Variants in TBCD observed in about 807,000 individuals in gnomAD.
TBCD encodes the protein tubulin-specific chaperone D.
TBCD carries 105 observed loss-of-function variants against 169.3 expected under a neutral mutation model. That is an observed-to-expected ratio of 0.62 (90% CI 0.53 to 0.73). The LOEUF is 0.73. Ranked by LOEUF, TBCD falls within the 30% of genes least tolerant of loss-of-function variation. TBCD has a pLI of 0.00. For missense variants in TBCD, 1,444 were observed against 1,600.1 expected (o/e 0.90, Z 1.66); for synonymous variants, 700 against 643.9 (o/e 1.09, Z -1.32).
intron 13 of TBCD, among the ~76,000 whole-genome samples, chr17:82,867,835 A>C (rs893328573): frequency 4.6e-5 from 7 of 152,208 alleles, no homozygotes; most frequent in African/African-American, 1.4e-4. Context: ...TCTGGTTTGC[A>C]GATTGATGGC....
intron 7 of TBCD, among the ~76,000 whole-genome samples, chr17:82,783,047 C>T (rs575511810): frequency 2.0e-5 from 3 of 151,446 alleles, no homozygotes; most frequent in African/African-American, 7.3e-5. Flanking sequence ...CGGTTTTGTC[C>T]TGGCCGTGGC....
intron 7 of TBCD, chr17:82,795,757 G>T (rs1054230435): frequency 1.4e-5 from 4 of 288,656 alleles, no homozygotes; most frequent in Non-Finnish European, 2.1e-5. Context: ...TTGATGCCTG[G>T]GCCTCTGCCG....
intron 14 of TBCD, among the ~76,000 whole-genome samples, chr17:82,873,791 C>T (rs1239317595): frequency 6.6e-6 from 1 of 152,158 alleles, no homozygotes; most frequent in Non-Finnish European, 1.5e-5. Flanking sequence ...TGGAGGTTGG[C>T]GCCGCTCGGT....
chr17:82,894,562 C>T (rs560210651), intron 17 of TBCD, among the ~76,000 whole-genome samples: 1 of 152,330 alleles, frequency 6.6e-6, no homozygotes, highest in Admixed American at 6.5e-5. Context: ...AGCATTTGGC[C>T]TCTTTCCCAG....
intron 8 of TBCD, among the ~76,000 whole-genome samples, chr17:82,800,216 G>A (rs764155234): frequency 2.0e-5 from 3 of 152,094 alleles, no homozygotes; most frequent in Non-Finnish European, 4.4e-5. Flanking sequence ...TGTCTGTCCC[G>A]GGAATGCTGT....
chr17:82,849,632 A>G (rs1277455574), intron 13 of TBCD, among the ~76,000 whole-genome samples: 1 of 152,232 alleles, frequency 6.6e-6, no homozygotes, highest in Non-Finnish European at 1.5e-5. Context: ...AAGCACACGG[A>G]TAAACTGAGA....
At position 82,831,643 on chromosome 17, in the gene TBCD, G is replaced by T. The variant is rs778081819; in HGVS notation, c.1318+16709G>T. On this transcript the variant is annotated intron_variant, in intron 13 of 38. Coordinates refer to ENST00000355528, the MANE Select transcript of TBCD (RefSeq NM_005993.5). This position sits in a 1 kb window ranked among gnomAD's most constrained non-coding sequence, Gnocchi z 4.6. ...TTGGGTTCCGTAGACTGACAGCAGG[G>T]GTGCGTCACACTCAGGCGAGCTCCC... is the stretch of plus-strand genomic sequence containing the variant. 5.6e-6 allele frequency: 9 copies of T among 1,614,036 alleles called. No individual in the cohort carries two copies. Among genetic ancestry groups the T allele is most frequent in the African/African-American group, 1.3e-5 (1 of 74,898 alleles).
chr17:82,851,337 C>T (rs1467507001), intron 13 of TBCD, among the ~76,000 whole-genome samples: 5 of 152,172 alleles, frequency 3.3e-5, no homozygotes, highest in African/African-American at 4.8e-5. Context: ...TTTTGGGATG[C>T]AGCTAAGGAA....
chr17:82,862,481 C>T (rs957561680), intron 13 of TBCD, among the ~76,000 whole-genome samples: 11 of 151,860 alleles, frequency 7.2e-5, no homozygotes, highest in Non-Finnish European at 1.0e-4. Context: ...GGGTTCTTTC[C>T]TCCTTGCAGT....
At chr17:82,784,144 A>G (rs1414502252) in intron 7 of TBCD, among the ~76,000 whole-genome samples, 1 of 152,124 alleles carries the variant, frequency 6.6e-6, no homozygotes, top group Non-Finnish European at 1.5e-5. Context: ...CAGAAAAAAC[A>G]AACCCAACTT....
chr17:82,877,069 T>A, intron 14 of TBCD: 1 of 769,524 alleles, frequency 1.3e-6, no homozygotes, highest in Non-Finnish European at 1.6e-6. Context: ...TATAGTAATT[T>A]AAACAAATAA....
At chr17:82,760,550 T>G (rs569088147) in intron 2 of TBCD, among the ~76,000 whole-genome samples, 1 of 152,232 alleles carries the variant, frequency 6.6e-6, no homozygotes, top group Non-Finnish European at 1.5e-5. Context: ...TGATGTCTAG[T>G]GAAGATATGT....
In TBCD at chr17:82,840,369, T is replaced by G. The variant is rs191852873; in HGVS notation, c.1318+25435T>G. The G allele has an allele frequency of 4.3e-3, 648 of 152,380 alleles. 15 individuals are homozygous for G. Among genetic ancestry groups the G allele is most frequent in the East Asian group, 7.3e-3 (38 of 5,188 alleles). 9.4% of individuals were successfully genotyped at this position (152,380 alleles called of 1,614,324 possible). A position where few individuals can be genotyped will look rare whatever the true frequency, so the allele number is the denominator to read the frequency against. On this transcript the variant is annotated intron_variant, in intron 13 of 38. Coordinates refer to ENST00000355528, the MANE Select transcript of TBCD (RefSeq NM_005993.5). ...ATGATAAAGACATGTGAGACTTTCC[T>G]TTAGAACTTGAGCATGTGTACGCAG...
rs1388118921 is a variant in TBCD at position 82,944,772 on chromosome 17, G to C, written c.*2309G>C. The C allele has an allele frequency of 6.6e-6, 1 of 152,228 alleles. No homozygotes were observed. Among genetic ancestry groups the C allele is most frequent in the African/African-American group, 2.4e-5 (1 of 41,454 alleles). The allele number at this position is 152,228 out of a possible 1,614,324, so 9.4% of individuals were successfully genotyped here. A position where few individuals can be genotyped will look rare whatever the true frequency, so the allele number is the denominator to read the frequency against. Reference sequence around the variant, plus strand: ...TGAGAGCAGAGACCTTGGAGATCCTGAGGGTTTCTGCTGAGCCCTGGAATC... The same window carrying C: ...TGAGAGCAGAGACCTTGGAGATCCTCAGGGTTTCTGCTGAGCCCTGGAATC... On this transcript the variant is annotated 3_prime_UTR_variant, in exon 39 of 39. Coordinates refer to ENST00000355528, the MANE Select transcript of TBCD (RefSeq NM_005993.5).
chr17:82,782,929 T>C lies in TBCD; in HGVS notation c.771+1208T>C, dbSNP rs906899033. Among the ~76,000 whole-genome samples, 2 of 150,610 alleles carry C rather than the reference T, an allele frequency of 1.3e-5. No homozygotes were observed. Among genetic ancestry groups the C allele is most frequent in the Non-Finnish European group, 3.0e-5 (2 of 67,602 alleles). ...GTCTGCGGTGTCGTCTTCCTGTCCA[T>C]GGCGGCCTCCTGTCCGCGGTGCCCT... is the stretch of plus-strand genomic sequence containing the variant. On this transcript the variant is annotated intron_variant, in intron 7 of 38. Transcript: ENST00000355528. This position sits in a 1 kb window ranked among gnomAD's most constrained non-coding sequence, Gnocchi z 5.1.
chr17:82,782,054 C>T lies in TBCD; in HGVS notation c.771+333C>T, dbSNP rs565460571. On this transcript the variant is annotated intron_variant, in intron 7 of 38. Coordinates refer to ENST00000355528, the MANE Select transcript of TBCD (RefSeq NM_005993.5). This position sits in a 1 kb window ranked among gnomAD's most constrained non-coding sequence, Gnocchi z 5.1. The stretch of plus-strand genomic sequence containing the variant: ...TGTTTAAGTGCAGAGACTGAACGAG[C>T]TCTAATAAAACAAGGTGGGTGAGTT... 2.6e-5 allele frequency among the ~76,000 whole-genome samples: 4 copies of T among 152,294 alleles called. No individual in the cohort carries two copies. In the South Asian group the frequency reaches 8.3e-4, roughly 32 times the overall value.
chr17:82,871,740 G>C (rs2057575679), intron 14 of TBCD, among the ~76,000 whole-genome samples: 1 of 152,198 alleles, frequency 6.6e-6, no homozygotes, highest in Admixed American at 6.5e-5. Flanking sequence ...CACGCCCCGC[G>C]AGCACCAGCA....
intron 13 of TBCD, among the ~76,000 whole-genome samples, chr17:82,867,790 A>C (rs998168352): frequency 9.8e-5 from 15 of 152,326 alleles, no homozygotes; most frequent in Admixed American, 7.8e-4. Flanking sequence ...CATTTACAAG[A>C]AGTGAGAGAT....
At chr17:82,796,848 A>G (rs2050143325) in intron 7 of TBCD, among the ~76,000 whole-genome samples, 1 of 152,258 alleles carries the variant, frequency 6.6e-6, no homozygotes, top group Non-Finnish European at 1.5e-5. Context: ...AAAAGACACC[A>G]GTATTTAGTG....
Sources: allele counts gnomAD v4.1 joint callset (sites outside exome capture counted in the v4.1 genomes callset), GRCh38; gene constraint gnomAD v4.1.1; non-coding constraint Gnocchi (gnomAD v3.1); transcripts MANE v1.5; gene names NCBI Gene and HGNC (gene_info 2026-07-23, HGNC 2026-07-21).